Variants in GMDS observed in about 807,000 individuals in gnomAD.
GMDS encodes the protein GDP-mannose 4,6 dehydratase.
In GMDS, 20 loss-of-function variants were observed where a neutral mutation model predicts 49.9. The ratio of observed to expected loss-of-function variants is 0.40; its 90% CI spans 0.28 to 0.58. GMDS has a LOEUF of 0.58. Among genes scored for constraint, GMDS ranks in the 20% least tolerant of loss-of-function variants. The probability of loss-of-function intolerance (pLI) is 0.42; values close to 1 mark genes in which losing one functional copy is unlikely to be tolerated. For missense variants in GMDS, 362 were observed against 481.4 expected (o/e 0.75, Z 2.32); for synonymous variants, 177 against 178.6 (o/e 0.99, Z 0.07).
At chr6:2,061,614 G>A (rs1771177517) in intron 4 of GMDS, among the ~76,000 whole-genome samples, 1 of 150,204 alleles carries the variant, frequency 6.7e-6, no homozygotes, top group Admixed American at 6.7e-5. Flanking sequence ...AACTACTCAG[G>A]AGACAGAGGC....
chr6:1,644,710 C>A (rs1002502719), intron 9 of GMDS, among the ~76,000 whole-genome samples: 16 of 152,164 alleles, frequency 1.1e-4, no homozygotes, highest in Admixed American at 9.2e-4. Flanking sequence ...GTGAGGTTTT[C>A]TGGTGACCAC....
intron 7 of GMDS, among the ~76,000 whole-genome samples, chr6:1,794,706 T>C (rs1344286912): frequency 6.6e-6 from 1 of 152,230 alleles, no homozygotes. Flanking sequence ...GAGAGCTATA[T>C]ACATTTCCTG....
In GMDS at chr6:1,666,447, T is replaced by G. The variant is rs188256632; in HGVS notation, c.988-41907A>C. Among the ~76,000 whole-genome samples the G allele has an allele frequency of 2.5e-3, 385 of 152,342 alleles. 1 individual carries two copies. The highest frequency in any genetic ancestry group is 3.7e-3 in the Non-Finnish European group (249 of 68,028). On this transcript the variant is annotated intron_variant, in intron 9 of 10. Transcript: ENST00000380815. ...CCTTCCTCTACCCTCTCAGCCTAGT[T>G]ACACCAGGGAGGTAAATCCCTACCT...
rs1291098252 is a variant in GMDS, at chr6:1,766,385, A to C, written c.772-23799T>G. ...GGAAAGGCTCTGCGTTAGAACCCAC[A>C]CCTTCCGTCTCCCGGGCCAGGTCTC... On this transcript the variant is annotated intron_variant, in intron 7 of 10. Transcript: ENST00000380815. The surrounding 1 kb of genome is among the most constrained non-coding windows in gnomAD (Gnocchi z 4.5). 6.6e-6 allele frequency among the ~76,000 whole-genome samples: 1 copy of C among 152,060 alleles called. No individual in the cohort carries two copies. Among genetic ancestry groups the C allele is most frequent in the Non-Finnish European group, 1.5e-5 (1 of 68,016 alleles).
intron 7 of GMDS, among the ~76,000 whole-genome samples, chr6:1,889,122 G>A (rs897667993): frequency 6.6e-6 from 1 of 152,136 alleles, no homozygotes; most frequent in Non-Finnish European, 1.5e-5. Context: ...GATGCGGAAC[G>A]TGTAAAAACA....
At chr6:1,920,573 A>G (rs1227452772) in intron 7 of GMDS, among the ~76,000 whole-genome samples, 1 of 152,268 alleles carries the variant, frequency 6.6e-6, no homozygotes, top group African/African-American at 2.4e-5. Context: ...AGCACTGAAT[A>G]TTGAAGATAT....
At chr6:1,971,320 C>G (rs1764599525) in intron 4 of GMDS, among the ~76,000 whole-genome samples, 1 of 152,110 alleles carries the variant, frequency 6.6e-6, no homozygotes, top group Admixed American at 6.5e-5. Context: ...CTCTATAGTT[C>G]AGAAACTATT....
chr6:2,087,965 C>A (rs551708164), intron 4 of GMDS, among the ~76,000 whole-genome samples: 8 of 152,062 alleles, frequency 5.3e-5, no homozygotes, highest in Non-Finnish European at 7.4e-5. Context: ...TTTTTCCTAA[C>A]CTAAAAGGGC....
intron 4 of GMDS, among the ~76,000 whole-genome samples, chr6:2,009,297 T>G (rs1767399556): frequency 6.6e-6 from 1 of 152,196 alleles, no homozygotes. Context: ...AGGCTCCATT[T>G]AGGTGACTTT....
chr6:2,140,116 A>C (rs1776213649), intron 1 of GMDS, among the ~76,000 whole-genome samples: 2 of 152,146 alleles, frequency 1.3e-5, no homozygotes, highest in African/African-American at 2.4e-5. Context: ...CATATTAGAA[A>C]ATCATCTTTG....
rs113516859 is a variant in GMDS at position 2,116,134 on chromosome 6, T to C, written c.236-254A>G. Among the ~76,000 whole-genome samples the C allele has an allele frequency of 8.8e-3, 1,342 of 152,290 alleles. 5 individuals are homozygous for C. Among genetic ancestry groups the C allele is most frequent in the Middle Eastern group, 0.02 (6 of 294 alleles). On this transcript the variant is annotated intron_variant, in intron 3 of 10. Coordinates refer to ENST00000380815, the MANE Select transcript of GMDS (RefSeq NM_001500.4). ...GAAAAATGTTTTTTAAAGCACAGTA[T>C]CACGAACATGTTATACAATAACATA...
intron 8 of GMDS, among the ~76,000 whole-genome samples, chr6:1,737,500 AACAC>A (rs139626089): frequency 0.015 from 2,256 of 148,238 alleles, 83 homozygotes; most frequent in Admixed American, 0.078. Flanking sequence ...CACACACACA[AACAC>A]ACACACACAC....
chr6:1,927,587 A>T (rs1762086735), intron 7 of GMDS, among the ~76,000 whole-genome samples: 1 of 152,182 alleles, frequency 6.6e-6, no homozygotes, highest in Non-Finnish European at 1.5e-5. Flanking sequence ...GCTAATTCAA[A>T]CGTGGGCCTG....
rs11963902 is a variant in GMDS at position 1,644,446 on chromosome 6, C to T, written c.988-19906G>A. Among the ~76,000 whole-genome samples, 525 of 152,350 alleles carry T rather than the reference C, an allele frequency of 3.4e-3. 1 individual carries two copies. The highest frequency in any genetic ancestry group is 0.012 in the African/African-American group (505 of 41,580). ...CGCTAGGCTGCACTCCCCACAGGCTCAAAACTTTGCTGCTGCCTGCACTTT... is the reference window on the plus strand; with the variant it reads ...CGCTAGGCTGCACTCCCCACAGGCTTAAAACTTTGCTGCTGCCTGCACTTT... On this transcript the variant is annotated intron_variant, in intron 9 of 10. Transcript: ENST00000380815.
At position 1,635,014 on chromosome 6, in the gene GMDS, G is replaced by T. The variant is rs553982001; in HGVS notation, c.988-10474C>A. 2.5e-4 allele frequency among the ~76,000 whole-genome samples: 38 copies of T among 152,298 alleles called. No individual in the cohort carries two copies. The highest frequency in any genetic ancestry group is 1.0e-3 in the South Asian group (5 of 4,820). On this transcript the variant is annotated intron_variant, in intron 9 of 10. Transcript: ENST00000380815. The surrounding 1 kb of genome is among the most constrained non-coding windows in gnomAD (Gnocchi z 4.7). ...ATTCTACGAATCAACAATGCCAGAA[G>T]CGAAGTTCTCCTAGTGGAGTCTGCG...
chr6:1,947,037 G>T (rs1053771253), intron 6 of GMDS, among the ~76,000 whole-genome samples: 3 of 152,208 alleles, frequency 2.0e-5, no homozygotes, highest in African/African-American at 4.8e-5. Context: ...TTCGCATATG[G>T]TATATTAGCT....
chr6:2,061,568 A>T (rs920076929), intron 4 of GMDS, among the ~76,000 whole-genome samples: 2 of 151,822 alleles, frequency 1.3e-5, no homozygotes, highest in Admixed American at 1.3e-4. Context: ...AATACAAAAA[A>T]ACTAGCCGGG....
chr6:2,215,516 C>T (rs1029391738), intron 1 of GMDS, among the ~76,000 whole-genome samples: 1 of 144,856 alleles, frequency 6.9e-6, no homozygotes, highest in Non-Finnish European at 1.5e-5. Flanking sequence ...GATCTCCCAC[C>T]GGGTCCTTCC....
At chr6:2,244,433 A>G (rs1280073756) in intron 1 of GMDS, among the ~76,000 whole-genome samples, 1 of 152,130 alleles carries the variant, frequency 6.6e-6, no homozygotes, top group Non-Finnish European at 1.5e-5. Flanking sequence ...ACCCAGAGAT[A>G]CCCAGGAGCA....
Sources: gnomAD v4.1 joint callset for allele counts (sites outside exome capture counted in the v4.1 genomes callset) on GRCh38, gnomAD v4.1.1 for gene constraint, Gnocchi (gnomAD v3.1) non-coding constraint, MANE v1.5 for transcripts, NCBI Gene and HGNC (gene_info 2026-07-23, HGNC 2026-07-21) for gene names.